The following FGF13 variants were observed in gnomAD, a reference collection of about 807,000 sequenced individuals.
FGF13 encodes fibroblast growth factor homologous factor 2.
Under a neutral mutation model 19.5 loss-of-function variants are expected in FGF13, and 2 were observed. That is an observed-to-expected ratio of 0.10 (90% CI 0.04 to 0.32). FGF13 has a LOEUF of 0.32. Ranked by LOEUF, FGF13 falls within the 10% of genes least tolerant of loss-of-function variation. The probability of loss-of-function intolerance (pLI) is 1.00; values close to 1 mark genes in which losing one functional copy is unlikely to be tolerated. For synonymous variants in FGF13, 72 were observed against 76.9 expected (o/e 0.94, Z 0.33); for missense variants, 113 against 192.7 (o/e 0.59, Z 2.45).
chrX:138,974,205 G>A (rs2091930742), intron 1 of FGF13, among the ~76,000 whole-genome samples: 1 of 111,653 alleles, frequency 9.0e-6, no homozygotes, highest in African/African-American at 3.3e-5. Context: ...TAAGACAAGG[G>A]GTCAGAGGCC....
intron 3 of FGF13, among the ~76,000 whole-genome samples, chrX:138,804,773 T>C (rs755463316): frequency 2.7e-5 from 3 of 112,297 alleles, no homozygotes; most frequent in Non-Finnish European, 3.8e-5. Flanking sequence ...AATCTTTCTT[T>C]GTACTATGTT....
At position 139,083,610 on chromosome X, in the gene FGF13, G is replaced by A. The variant is rs745460463; in HGVS notation, c.-113+119806C>T. 6.9e-4 allele frequency among the ~76,000 whole-genome samples: 77 copies of A among 111,013 alleles called. 1 individual carries two copies. The East Asian group carries it at 7.2e-3, about 10-fold the overall frequency. ...GGGAGGGCCGGGCACAGTGGCTCACGCCTATAATCCCAGCACTTTGGGAGG... is the reference window on the plus strand; with the variant it reads ...GGGAGGGCCGGGCACAGTGGCTCACACCTATAATCCCAGCACTTTGGGAGG... On this transcript the variant is annotated intron_variant, in intron 1 of 2. Coordinates refer to the FGF13 transcript ENST00000421460.
intron 1 of FGF13, among the ~76,000 whole-genome samples, chrX:139,201,512 T>C (rs1569463946): frequency 8.9e-6 from 1 of 112,224 alleles, no homozygotes; most frequent in East Asian, 2.8e-4. Context: ...CACACCATTG[T>C]TCAAAATTAA....
At chrX:138,745,597 C>A (rs1186692598) in intron 3 of FGF13, among the ~76,000 whole-genome samples, 2 of 112,139 alleles carry the variant, frequency 1.8e-5, no homozygotes, top group African/African-American at 6.5e-5. Flanking sequence ...ACAATAGGGA[C>A]AAAACAAATC....
intron 3 of FGF13, chrX:138,667,581 G>T: frequency 3.1e-6 from 1 of 324,741 alleles, no homozygotes; most frequent in Non-Finnish European, 6.0e-6. Context: ...AGACTTATCA[G>T]GATTGAGTTT....
chrX:138,940,075 G>A (rs2091750491), intron 1 of FGF13, among the ~76,000 whole-genome samples: 1 of 111,391 alleles, frequency 9.0e-6, no homozygotes. Flanking sequence ...AACCTCACCA[G>A]GATCTGTTAT....
chrX:138,746,427 A>T (rs2090356733), intron 3 of FGF13, among the ~76,000 whole-genome samples: 1 of 111,226 alleles, frequency 9.0e-6, no homozygotes, highest in Non-Finnish European at 1.9e-5. Flanking sequence ...AAAAAAAAAA[A>T]TAGTTCTATT....
intron 3 of FGF13, among the ~76,000 whole-genome samples, chrX:138,809,001 A>G (rs2090897604): frequency 8.9e-6 from 1 of 111,851 alleles, no homozygotes; most frequent in South Asian, 3.7e-4. Context: ...TTCACAGCCG[A>G]ATTCTACCAG....
chrX:138,818,708 G>A (rs948278115), intron 3 of FGF13, among the ~76,000 whole-genome samples: 4 of 110,822 alleles, frequency 3.6e-5, no homozygotes, highest in Non-Finnish European at 7.6e-5. Flanking sequence ...ATCTCTGGCT[G>A]GATTCCCTAA....
chrX:139,121,419 A>T (rs62603212), intron 1 of FGF13, among the ~76,000 whole-genome samples: 12,463 of 110,495 alleles, frequency 0.11, 530 homozygotes, highest in South Asian at 0.21. Context: ...CAAATATTTG[A>T]TTTAGGGTCT....
chrX:139,002,205 G>C lies in FGF13; in HGVS notation c.-112-137555C>G, dbSNP rs147180494. Among the ~76,000 whole-genome samples the C allele has an allele frequency of 9.6e-3, 1,062 of 110,547 alleles. 12 individuals carry two copies. The highest frequency in any genetic ancestry group is 0.033 in the African/African-American group (1,000 of 30,276). On this transcript the variant is annotated intron_variant, in intron 1 of 2. Transcript: ENST00000421460. ...GGGCCTGTTGGGGGTAGGGGGCTTGGGGAGGGATAGCATTAGGAGAAATAC... is the reference window on the plus strand; with the variant it reads ...GGGCCTGTTGGGGGTAGGGGGCTTGCGGAGGGATAGCATTAGGAGAAATAC...
At chrX:138,843,789 T>C (rs978853439) in intron 3 of FGF13, among the ~76,000 whole-genome samples, 4 of 112,001 alleles carry the variant, frequency 3.6e-5, no homozygotes, top group Non-Finnish European at 5.7e-5. Context: ...ATTTAATTTC[T>C]TATTTTTTTA....
intron 1 of FGF13, among the ~76,000 whole-genome samples, chrX:139,124,227 C>T (rs2083698842): frequency 8.9e-6 from 1 of 112,642 alleles, no homozygotes; most frequent in South Asian, 3.6e-4. Context: ...CTTGTCTGTT[C>T]AGTGACAGAC....
At chrX:139,195,214 G>A (rs2084362734) in intron 1 of FGF13, among the ~76,000 whole-genome samples, 2 of 111,610 alleles carry the variant, frequency 1.8e-5, no homozygotes, top group African/African-American at 6.5e-5. Flanking sequence ...ATGTTCCCCG[G>A]AATGAGAGCA....
intron 1 of FGF13, among the ~76,000 whole-genome samples, chrX:138,921,971 C>CAAAAAAAAAAAAAAAAA (rs35464038): frequency 3.0e-5 from 2 of 67,495 alleles, no homozygotes; most frequent in East Asian, 5.2e-4. Context: ...TTATGGAACT[C>CAAAAAAAAAAAAAAAAA]AAAAAAAAAA....
intron 1 of FGF13, among the ~76,000 whole-genome samples, chrX:139,099,473 G>A (rs746387051): frequency 9.2e-6 from 1 of 108,975 alleles, no homozygotes; most frequent in South Asian, 4.1e-4. Context: ...TTAGAGTACT[G>A]ACAAACGTAG....
intron 1 of FGF13, among the ~76,000 whole-genome samples, chrX:138,883,223 C>G (rs764287036): frequency 6.3e-5 from 7 of 111,937 alleles, no homozygotes; most frequent in Non-Finnish European, 1.3e-4. Context: ...CCTCTCTATT[C>G]CTGAGATTGC....
At chrX:139,156,773 A>T in intron 1 of FGF13, among the ~76,000 whole-genome samples, 1 of 112,578 alleles carries the variant, frequency 8.9e-6, no homozygotes, top group East Asian at 2.8e-4. Context: ...CTAAGGTGAG[A>T]AAAAGTACAC....
chrX:138,951,884 A>G (rs2091814771), intron 1 of FGF13, among the ~76,000 whole-genome samples: 1 of 111,478 alleles, frequency 9.0e-6, no homozygotes. Flanking sequence ...ATCTAGGTAA[A>G]TAAACAAGAG....
Sources: gnomAD v4.1 joint callset for allele counts (sites outside exome capture counted in the v4.1 genomes callset) on GRCh38, gnomAD v4.1.1 for gene constraint, MANE v1.5 for transcripts, NCBI Gene and HGNC (gene_info 2026-07-23, HGNC 2026-07-21) for gene names.